Variants in SH3RF3 observed in about 807,000 individuals in gnomAD.
SH3RF3 encodes the protein SH3 domain containing ring finger 3.
A neutral mutation model predicts 66.3 loss-of-function variants in SH3RF3; 29 were observed. The observed-to-expected ratio is 0.44, with a 90% CI of 0.33 to 0.60. The LOEUF (loss-of-function observed/expected upper bound fraction) is 0.60. Ranked by LOEUF, SH3RF3 falls within the 20% of genes least tolerant of loss-of-function variation. The pLI, the probability that SH3RF3 is intolerant of heterozygous loss-of-function variation, is 0.04. For synonymous variants in SH3RF3, 583 were observed against 532.0 expected (o/e 1.10, Z -1.32); for missense variants, 1,194 against 1,190.9 (o/e 1.00, Z -0.04).
At position 109,490,945 on chromosome 2, in the gene SH3RF3, A is replaced by G; in HGVS notation, c.2480+9A>G. On this transcript the variant is annotated intron_variant, in intron 9 of 9. Coordinates refer to ENST00000309415, the MANE Select transcript of SH3RF3 (RefSeq NM_001099289.3). Reference sequence around the variant, plus strand: ...CTGTTGCCCAGAGAGAGGTAAGTGCAGGGGCTTGTCTGCTCTGTGGCATGC... The same window carrying G: ...CTGTTGCCCAGAGAGAGGTAAGTGCGGGGGCTTGTCTGCTCTGTGGCATGC... 6.8e-7 allele frequency: 1 copy of G among 1,477,186 alleles called. No homozygotes were observed. Among genetic ancestry groups the G allele is most frequent in the South Asian group, 1.4e-5 (1 of 73,894 alleles). The allele number at this position is 1,477,186 out of a possible 1,614,324, so 91.5% of individuals were successfully genotyped here.
At chr2:109,266,249 C>A (rs926584180) in intron 1 of SH3RF3, among the ~76,000 whole-genome samples, 1 of 144,336 alleles carries the variant, frequency 6.9e-6, no homozygotes, top group African/African-American at 2.6e-5. Flanking sequence ...GTTGTGTGTG[C>A]TGTGTGTGTT....
chr2:109,464,533 C>A (rs762696025), intron 8 of SH3RF3, among the ~76,000 whole-genome samples: 31 of 152,332 alleles, frequency 2.0e-4, no homozygotes, highest in African/African-American at 7.0e-4. Context: ...GCCTTGCATA[C>A]ATACACATCC....
intron 8 of SH3RF3, among the ~76,000 whole-genome samples, chr2:109,487,732 T>C (rs1032985877): frequency 3.9e-5 from 6 of 152,064 alleles, no homozygotes; most frequent in Non-Finnish European, 8.8e-5. Context: ...CAAGGTGCCC[T>C]GGGAGCAAGA....
intron 4 of SH3RF3, among the ~76,000 whole-genome samples, chr2:109,417,587 C>G (rs959047636): frequency 6.6e-6 from 1 of 152,172 alleles, no homozygotes; most frequent in African/African-American, 2.4e-5. Context: ...ACACCTGGCT[C>G]TCTCAGGATC....
At chr2:109,481,889 C>T (rs1678845790) in intron 8 of SH3RF3, among the ~76,000 whole-genome samples, 1 of 152,148 alleles carries the variant, frequency 6.6e-6, no homozygotes, top group Non-Finnish European at 1.5e-5. Flanking sequence ...ACTGTTTTAT[C>T]ACCACGGAAT....
chr2:109,270,458 T>C (rs1401100110), intron 1 of SH3RF3, among the ~76,000 whole-genome samples: 4 of 152,170 alleles, frequency 2.6e-5, no homozygotes, highest in Non-Finnish European at 5.9e-5. Context: ...TTTCTTCTTG[T>C]TTCCACTGCC....
intron 2 of SH3RF3, among the ~76,000 whole-genome samples, chr2:109,353,618 G>T (rs1248389317): frequency 1.3e-5 from 2 of 152,152 alleles, no homozygotes; most frequent in Non-Finnish European, 2.9e-5. Flanking sequence ...GGGTGAGAGT[G>T]CCTCTGTCTC....
chr2:109,400,728 G>T (rs887273045), intron 4 of SH3RF3, among the ~76,000 whole-genome samples: 1 of 152,208 alleles, frequency 6.6e-6, no homozygotes, highest in South Asian at 2.1e-4. Flanking sequence ...ACAAACGCTG[G>T]CTCTCATCGG....
At chr2:109,369,891 A>C (rs2105672872) in intron 2 of SH3RF3, among the ~76,000 whole-genome samples, 1 of 152,314 alleles carries the variant, frequency 6.6e-6, no homozygotes, top group East Asian at 1.9e-4. Context: ...GTAAGTCCCG[A>C]ATTGCTGCTT....
intron 1 of SH3RF3, among the ~76,000 whole-genome samples, chr2:109,217,605 C>T (rs996305388): frequency 6.6e-6 from 1 of 152,352 alleles, no homozygotes; most frequent in African/African-American, 2.4e-5. Context: ...GTGTTATAAA[C>T]AGAATCAGTC....
chr2:109,463,389 GA>G (rs1678258102), intron 8 of SH3RF3, among the ~76,000 whole-genome samples: 1 of 152,164 alleles, frequency 6.6e-6, no homozygotes, highest in Non-Finnish European at 1.5e-5. Context: ...CTTGCTCTGG[GA>G]CCCAGTCACT....
chr2:109,192,526 T>G (rs138793385), intron 1 of SH3RF3, among the ~76,000 whole-genome samples: 2 of 152,156 alleles, frequency 1.3e-5, no homozygotes, highest in African/African-American at 4.8e-5. Context: ...CTTATAGAGA[T>G]TTGGTAATTT....
intron 1 of SH3RF3, among the ~76,000 whole-genome samples, chr2:109,272,070 C>T (rs2105320604): frequency 6.6e-6 from 1 of 152,318 alleles, no homozygotes; most frequent in Non-Finnish European, 1.5e-5. Context: ...TGTGTCATGG[C>T]CGGGCCTCCT....
intron 5 of SH3RF3, among the ~76,000 whole-genome samples, chr2:109,423,197 G>A (rs1488255026): frequency 2.0e-5 from 3 of 152,104 alleles, no homozygotes; most frequent in Admixed American, 6.5e-5. Context: ...AGGGAGATGG[G>A]GGGTTGGCCT....
At chr2:109,183,101 T>A (rs528021991) in intron 1 of SH3RF3, among the ~76,000 whole-genome samples, 25 of 152,334 alleles carry the variant, frequency 1.6e-4, no homozygotes, top group South Asian at 4.1e-4. Flanking sequence ...ATTAACTTTT[T>A]AAAAGAAATC....
chr2:109,377,745 C>T (rs4074385), intron 3 of SH3RF3, among the ~76,000 whole-genome samples: 1 of 152,088 alleles, frequency 6.6e-6, no homozygotes, highest in Non-Finnish European at 1.5e-5. Context: ...CTCATCAGAC[C>T]ACTGGGTTCT....
At chr2:109,211,648 CTTT>C (rs67139652) in intron 1 of SH3RF3, among the ~76,000 whole-genome samples, 3 of 142,570 alleles carry the variant, frequency 2.1e-5, no homozygotes, top group African/African-American at 2.6e-5. Flanking sequence ...GCATTTCTTT[CTTT>C]TTTTTTTTTT....
At chr2:109,307,191 G>A (rs1354424428) in intron 1 of SH3RF3, among the ~76,000 whole-genome samples, 1 of 152,178 alleles carries the variant, frequency 6.6e-6, no homozygotes, top group African/African-American at 2.4e-5. Flanking sequence ...CCACTGCTGG[G>A]AGGTGCACAT....
chr2:109,318,114 C>T (rs1681929768), intron 1 of SH3RF3, among the ~76,000 whole-genome samples: 1 of 143,692 alleles, frequency 7.0e-6, no homozygotes, highest in Admixed American at 6.9e-5. Flanking sequence ...AAAAAAAAGC[C>T]CCCTTTAAGC....
Sources: allele counts gnomAD v4.1 joint callset (sites outside exome capture counted in the v4.1 genomes callset), GRCh38; gene constraint gnomAD v4.1.1; transcripts MANE v1.5; gene names NCBI Gene and HGNC (gene_info 2026-07-23, HGNC 2026-07-21).